The following PKP4 variants were observed in gnomAD, a reference collection of about 807,000 sequenced individuals.
PKP4 encodes the protein plakophilin 4, also known as plakophilin-4.
In PKP4, 90 loss-of-function variants were observed where a neutral mutation model predicts 145.1. The ratio of observed to expected loss-of-function variants is 0.62; its 90% CI spans 0.52 to 0.74. The LOEUF is 0.74. PKP4 is among the 30% of genes least tolerant of loss of function. The pLI, the probability that PKP4 is intolerant of heterozygous loss-of-function variation, is 0.00. For missense variants in PKP4, 1,340 were observed against 1,482.7 expected, an observed-to-expected ratio of 0.90 and a Z score of 1.58; for synonymous variants, 563 against 577.2, an observed-to-expected ratio of 0.98 and a Z score of 0.35.
At chr2:158,588,017 G>A (rs938424288) in intron 3 of PKP4, among the ~76,000 whole-genome samples, 28 of 151,720 alleles carry the variant, frequency 1.8e-4, no homozygotes, top group Admixed American at 2.0e-4. Flanking sequence ...ATTGAAATGT[G>A]TAAATCTAGT....
intron 1 of PKP4, among the ~76,000 whole-genome samples, chr2:158,514,453 GA>G (rs1310538071): frequency 6.6e-6 from 1 of 152,138 alleles, no homozygotes; most frequent in Non-Finnish European, 1.5e-5. Context: ...CCTTGAAAAC[GA>G]AATATAGTAT....
At chr2:158,652,352 G>A (rs1184796366) in intron 11 of PKP4, among the ~76,000 whole-genome samples, 1 of 152,148 alleles carries the variant, frequency 6.6e-6, no homozygotes, top group East Asian at 1.9e-4. Context: ...GGTATGAGGT[G>A]TGTAACTTTA....
At chr2:158,637,949 G>C (rs915233642) in intron 9 of PKP4, among the ~76,000 whole-genome samples, 1 of 152,224 alleles carries the variant, frequency 6.6e-6, no homozygotes, top group Non-Finnish European at 1.5e-5. Flanking sequence ...TAATTGCCCA[G>C]CTCTGGCAGG....
In PKP4 at chr2:158,621,724, C is replaced by T. The variant is rs530622547; in HGVS notation, c.603+303C>T. Among the ~76,000 whole-genome samples the T allele has an allele frequency of 3.5e-5, 5 of 141,532 alleles. No individual in the cohort carries two copies. In the South Asian group the frequency reaches 1.1e-3, roughly 31 times the overall value. 92.9% of individuals were successfully genotyped at this position (141,532 alleles called of 152,430 possible). A position where few individuals can be genotyped will look rare whatever the true frequency, so the allele number is the denominator to read the frequency against. On this transcript the variant is annotated intron_variant, in intron 6 of 21. Coordinates refer to ENST00000389759, the MANE Select transcript of PKP4 (RefSeq NM_003628.6). Reference sequence around the variant, plus strand: ...TCGCACCACTGCACTCCAGCCTGGGCGACAGAGCGAGACTCCGTCTCAAAA... The same window carrying T: ...TCGCACCACTGCACTCCAGCCTGGGTGACAGAGCGAGACTCCGTCTCAAAA...
chr2:158,542,079 C>T (rs2044571218), intron 2 of PKP4, among the ~76,000 whole-genome samples: 1 of 152,070 alleles, frequency 6.6e-6, no homozygotes, highest in Non-Finnish European at 1.5e-5. Flanking sequence ...TCAAAGTAAG[C>T]CCTTTATGCC....
intron 4 of PKP4, among the ~76,000 whole-genome samples, chr2:158,612,321 A>G (rs1487116974): frequency 2.0e-5 from 3 of 152,210 alleles, no homozygotes; most frequent in East Asian, 1.9e-4. Context: ...ATGTGTTTCT[A>G]TATCAGTATA....
chr2:158,473,732 T>C (rs1429230678), intron 1 of PKP4, among the ~76,000 whole-genome samples: 2 of 152,072 alleles, frequency 1.3e-5, no homozygotes, highest in Non-Finnish European at 2.9e-5. Context: ...GATGAAATAA[T>C]ATGTACAACA....
rs546482524 is a variant in PKP4, at chr2:158,491,896, A to G, written c.-6+34678A>G. Among the ~76,000 whole-genome samples the G allele has an allele frequency of 1.5e-4, 21 of 143,264 alleles. 2 individuals are homozygous for G. Among genetic ancestry groups the G allele is most frequent in the South Asian group, 1.3e-3 (6 of 4,712 alleles). The allele number at this position is 143,264 out of a possible 152,430, so 94.0% of individuals were successfully genotyped here. A position where few individuals can be genotyped will look rare whatever the true frequency, so the allele number is the denominator to read the frequency against. On this transcript the variant is annotated intron_variant, in intron 1 of 21. Coordinates refer to ENST00000389759, the MANE Select transcript of PKP4 (RefSeq NM_003628.6). Reference sequence around the variant, plus strand: ...CTGCAGCTTCGACCTCCCAGGCTCAAGCAGCCCCTCATGTCAGCCACCCTA... The same window carrying G: ...CTGCAGCTTCGACCTCCCAGGCTCAGGCAGCCCCTCATGTCAGCCACCCTA...
intron 2 of PKP4, among the ~76,000 whole-genome samples, chr2:158,534,957 G>A (rs2043905852): frequency 2.0e-5 from 3 of 152,180 alleles, no homozygotes; most frequent in Admixed American, 2.0e-4. Flanking sequence ...TTAGTGGGAT[G>A]CTATACTCTA....
At chr2:158,677,085 A>C in intron 20 of PKP4, 1 of 574,000 alleles carries the variant, frequency 1.7e-6, no homozygotes, top group Non-Finnish European at 3.2e-6. Flanking sequence ...GTATGTATGT[A>C]GTTGTACGGT....
At position 158,612,014 on chromosome 2, in the gene PKP4, C is replaced by CT. The variant is rs199529539; in HGVS notation, c.280+8913dup. 4.1e-3 allele frequency among the ~76,000 whole-genome samples: 600 copies of CT among 145,094 alleles called. 7 individuals carry two copies. Among genetic ancestry groups the CT allele is most frequent in the African/African-American group, 0.015 (557 of 38,068 alleles). On this transcript the variant is annotated intron_variant, in intron 4 of 21. Transcript: ENST00000389759. ...TTTAAGATGAAAATAAGATATGCTT[C>CT]TTTAAAAAAAAAAAAACAGCCTGGA...
At chr2:158,502,703 A>G (rs763334326) in intron 1 of PKP4, among the ~76,000 whole-genome samples, 11 of 152,236 alleles carry the variant, frequency 7.2e-5, no homozygotes, top group African/African-American at 1.2e-4. Flanking sequence ...CCCAATTGCA[A>G]TTGGTGCAGA....
intron 1 of PKP4, among the ~76,000 whole-genome samples, chr2:158,467,662 A>G (rs1204038995): frequency 6.6e-6 from 1 of 152,168 alleles, no homozygotes; most frequent in Non-Finnish European, 1.5e-5. Flanking sequence ...CCTGAGCAAC[A>G]TAGCCAGACG....
chr2:158,587,349 G>A lies in PKP4; in HGVS notation c.245+9966G>A, dbSNP rs1044239161. Among the ~76,000 whole-genome samples the A allele has an allele frequency of 8.6e-5, 13 of 151,810 alleles. 1 individual carries two copies. The highest frequency in any genetic ancestry group is 8.5e-4 in the Admixed American group (13 of 15,244). On this transcript the variant is annotated intron_variant, in intron 3 of 21. Transcript: ENST00000389759. ...CATTTTCTGTAATTTTTCATAGTTT[G>A]CTTTCTGTAATTATATTATTAAATT...
chr2:158,638,251 A>G (rs1042749354), intron 9 of PKP4, among the ~76,000 whole-genome samples: 3 of 152,228 alleles, frequency 2.0e-5, no homozygotes, highest in Non-Finnish European at 4.4e-5. Flanking sequence ...GGGATGATGA[A>G]TATTAATAAA....
chr2:158,594,852 C>T (rs1055211772), intron 3 of PKP4, among the ~76,000 whole-genome samples: 2 of 152,066 alleles, frequency 1.3e-5, no homozygotes, highest in African/African-American at 4.8e-5. Flanking sequence ...CCTGAGAGCC[C>T]CTCCGAGGTG....
intron 1 of PKP4, among the ~76,000 whole-genome samples, chr2:158,510,278 T>G (rs2041384989): frequency 6.6e-6 from 1 of 152,238 alleles, no homozygotes. Context: ...CCAGTTTCTA[T>G]TTTCAACTCC....
At chr2:158,566,360 T>C (rs1381885014) in intron 2 of PKP4, among the ~76,000 whole-genome samples, 1 of 152,150 alleles carries the variant, frequency 6.6e-6, no homozygotes, top group African/African-American at 2.4e-5. Context: ...ATTCTTTTAG[T>C]TTTCCATTTC....
chr2:158,634,394 T>C, intron 9 of PKP4, 105 bp downstream of exon 9: 1 of 723,246 alleles, frequency 1.4e-6, no homozygotes. Context: ...ACTATCATTA[T>C]ACTATCATTA....
Sources: gnomAD v4.1 joint callset for allele counts (sites outside exome capture counted in the v4.1 genomes callset) on GRCh38, gnomAD v4.1.1 for gene constraint, MANE v1.5 for transcripts, NCBI Gene and HGNC (gene_info 2026-07-23, HGNC 2026-07-21) for gene names.